LRP2: variants seen among roughly 807,000 people sequenced by gnomAD.
The protein encoded by LRP2 is low-density lipoprotein receptor-related protein 2.
In LRP2, 172 loss-of-function variants were observed where a neutral mutation model predicts 531.0. That is an observed-to-expected ratio of 0.32 (90% CI 0.29 to 0.37). LRP2 has a LOEUF of 0.37. Among genes scored for constraint, LRP2 ranks in the 10% least tolerant of loss-of-function variants. The pLI, the probability that LRP2 is intolerant of heterozygous loss-of-function variation, is 1.00. For missense variants in LRP2, 5,167 were observed against 5,868.3 expected (o/e 0.88, Z 3.90); for synonymous variants, 1,992 against 2,027.6 (o/e 0.98, Z 0.47).
At position 169,294,724 on chromosome 2, in the gene LRP2, A is replaced by C; in HGVS notation, c.428-14T>G. 7.6e-7 allele frequency: 1 copy of C among 1,315,492 alleles called. No individual in the cohort carries two copies. The highest frequency in any genetic ancestry group is 1.1e-6 in the Non-Finnish European group (1 of 949,356). 81.5% of individuals were successfully genotyped at this position (1,315,492 alleles called of 1,614,324 possible). ...ATGTTGGGTACTCTATTGTAAAAAA[A>C]AAAAAAAAAAAAAAAAGGAAAAGGA... On this transcript the variant is annotated splice_polypyrimidine_tract_variant and intron_variant, in intron 4 of 78. Coordinates refer to ENST00000649046, the MANE Select transcript of LRP2 (RefSeq NM_004525.3).
chr2:169,355,008 G>C (rs1286575501), intron 1 of LRP2, among the ~76,000 whole-genome samples: 1 of 152,218 alleles, frequency 6.6e-6, no homozygotes, highest in African/African-American at 2.4e-5. Context: ...AGGAGTAGGA[G>C]CCTAAGATTC....
intron 16 of LRP2, among the ~76,000 whole-genome samples, chr2:169,269,391 G>A (rs1683335834): frequency 6.6e-6 from 1 of 152,126 alleles, no homozygotes; most frequent in Non-Finnish European, 1.5e-5. Flanking sequence ...GCATGGTACT[G>A]GTACCAAAAC....
intron 37 of LRP2, 73 bp downstream of exon 37, chr2:169,211,895 G>A: frequency 6.3e-7 from 1 of 1,587,772 alleles, no homozygotes; most frequent in Non-Finnish European, 8.6e-7. Context: ...ATGAAGAAAT[G>A]TTTTCATGGC....
chr2:169,152,482 T>C (rs1686179905), intron 67 of LRP2, among the ~76,000 whole-genome samples: 1 of 152,208 alleles, frequency 6.6e-6, no homozygotes, highest in Admixed American at 6.5e-5. Flanking sequence ...TTGGCAAGAA[T>C]GCTATTCACT....
intron 38 of LRP2, among the ~76,000 whole-genome samples, chr2:169,208,611 C>A (rs1274356709): frequency 6.6e-6 from 1 of 152,108 alleles, no homozygotes. Flanking sequence ...CGTACGCCAC[C>A]ATGCCTGGTT....
intron 54 of LRP2, 41 bp from the exon 55 acceptor site, chr2:169,175,430 G>A (rs781257951): frequency 6.3e-7 from 1 of 1,579,426 alleles, no homozygotes; most frequent in Non-Finnish European, 8.7e-7. Context: ...CAAAGCACCA[G>A]GGGCAACAGT....
At chr2:169,269,639 G>A (rs1683344605) in intron 16 of LRP2, among the ~76,000 whole-genome samples, 1 of 152,048 alleles carries the variant, frequency 6.6e-6, no homozygotes, top group Non-Finnish European at 1.5e-5. Flanking sequence ...TAGACCTAAA[G>A]CCATAAGAAC....
intron 77 of LRP2, among the ~76,000 whole-genome samples, chr2:169,129,778 T>A (rs994803422): frequency 6.6e-6 from 1 of 152,148 alleles, no homozygotes; most frequent in Non-Finnish European, 1.5e-5. Context: ...GCCCATAAAC[T>A]GGAGAACCCA....
chr2:169,284,182 G>T (rs1683778756), intron 9 of LRP2, among the ~76,000 whole-genome samples: 1 of 150,776 alleles, frequency 6.6e-6, no homozygotes, highest in South Asian at 2.1e-4. Flanking sequence ...AACCATTCCT[G>T]CTGGGTGGCC....
intron 7 of LRP2, among the ~76,000 whole-genome samples, chr2:169,291,379 T>C (rs1683994868): frequency 6.6e-6 from 1 of 152,228 alleles, no homozygotes; most frequent in Admixed American, 6.5e-5. Context: ...GTGGTTGGGC[T>C]TTTTGATTTG....
chr2:169,258,720 C>A (rs368470010), intron 17 of LRP2, among the ~76,000 whole-genome samples: 2 of 151,996 alleles, frequency 1.3e-5, no homozygotes, highest in Non-Finnish European at 2.9e-5. Context: ...GTTGCCTATT[C>A]ACTCCTTTTC....
intron 1 of LRP2, among the ~76,000 whole-genome samples, chr2:169,327,260 A>AG (rs1317184817): frequency 3.7e-3 from 11 of 2,982 alleles, no homozygotes; most frequent in South Asian, 0.25. Flanking sequence ...TCCGGGAGGG[A>AG]GGTGGGGGGG....
intron 58 of LRP2, 125 bp from the exon 59 acceptor site, chr2:169,170,792 C>T (rs1453175425): frequency 1.3e-6 from 1 of 757,064 alleles, no homozygotes; most frequent in East Asian, 2.5e-5. Flanking sequence ...CAGAGGTGTG[C>T]TTGGGCAAAT....
In LRP2 at chr2:169,185,646, A is replaced by G. The variant is rs540120604; in HGVS notation, c.9702T>C (p.Phe3234=). Residue 3234 remains phenylalanine, a synonymous_variant, in exon 50 of 79, where the codon TTT becomes TTC. Transcript: ENST00000649046. The part of the protein sequence containing the change: ...EGLDNVVALD[F]DRVEKRLYWI... ...AATACAATCTCTTCTCTACTCGGTC[A>G]AAATCTAATGCCACAACATTGTCCA... is the stretch of plus-strand genomic sequence containing the variant. 1 of 1,614,206 alleles carries G rather than the reference A, an allele frequency of 6.2e-7. No homozygotes were observed. Among genetic ancestry groups the G allele is most frequent in the African/African-American group, 1.3e-5 (1 of 75,050 alleles).
Position 169,237,100 on chromosome 2 carries a change from T to C in LRP2, c.4691+3A>G. The C allele has an allele frequency of 1.9e-6, 3 of 1,612,874 alleles. No homozygotes were observed. The highest frequency in any genetic ancestry group is 2.5e-6 in the Non-Finnish European group (3 of 1,178,944). ...GCAACATAATTTTAAAAAAAAGTCT[T>C]ACTTCATTCTGGGATCTAATGCTAG... is the stretch of plus-strand genomic sequence containing the variant. On this transcript the variant is annotated splice_donor_region_variant and intron_variant, in intron 28 of 78. Transcript: ENST00000649046.
intron 29 of LRP2, among the ~76,000 whole-genome samples, chr2:169,235,603 C>G (rs187458883): frequency 6.6e-6 from 1 of 152,106 alleles, no homozygotes; most frequent in Admixed American, 6.6e-5. Flanking sequence ...CTAAATCACA[C>G]GAGCTATAAA....
Position 169,177,878 on chromosome 2 carries a change from T to G in LRP2, c.10318A>C (p.Asn3440His). Reference protein sequence around the residue: ...VEKGNKYDGSNRQTLVNTTHR... With the variant: ...VEKGNKYDGSHRQTLVNTTHR... ...GTTGTGTTCACCAGTGTCTGTCTAT[T>G]TGATCCATCATATTTGTTTCCCTTT... Residue 3440 changes from asparagine to histidine, a missense_variant, in exon 53 of 79, where the codon AAT becomes CAT. By Grantham distance (68) the Asn-to-His change is moderately conservative. Around this residue, in one of 6 missense-constraint regions of LRP2, gnomAD observed 1,129 missense variants for 1,362.7 expected, o/e 0.83. Coordinates refer to ENST00000649046, the MANE Select transcript of LRP2 (RefSeq NM_004525.3). 1 of 1,614,234 alleles carries G rather than the reference T, an allele frequency of 6.2e-7. No homozygotes were observed. The highest frequency in any genetic ancestry group is 1.1e-5 in the South Asian group (1 of 91,084).
At chr2:169,130,829 G>A (rs1016127865) in intron 77 of LRP2, among the ~76,000 whole-genome samples, 2 of 152,142 alleles carry the variant, frequency 1.3e-5, no homozygotes, top group Non-Finnish European at 2.9e-5. Flanking sequence ...GAGGAACCAA[G>A]GTATTACAAA....
intron 57 of LRP2, 75 bp from the exon 58 acceptor site, chr2:169,172,209 G>A: frequency 1.3e-6 from 2 of 1,545,114 alleles, no homozygotes; most frequent in Non-Finnish European, 1.8e-6. Context: ...GCTTCCTTGT[G>A]AGACAGTCTG....
Sources: gnomAD v4.1 joint callset for allele counts (sites outside exome capture counted in the v4.1 genomes callset) on GRCh38, gnomAD v4.1.1 for gene constraint, gnomAD v4.1.1 regional missense constraint, MANE v1.5 for transcripts, NCBI Gene and HGNC (gene_info 2026-07-23, HGNC 2026-07-21) for gene names.